SV2B: variants seen among roughly 807,000 people sequenced by gnomAD.
SV2B encodes the protein synaptic vesicle glycoprotein 2B.
SV2B carries 41 observed loss-of-function variants against 73.9 expected under a neutral mutation model. The ratio of observed to expected loss-of-function variants is 0.56; its 90% confidence interval spans 0.43 to 0.72. The LOEUF (loss-of-function observed/expected upper bound fraction) is 0.72. Ranked by LOEUF, SV2B falls within the 30% of genes least tolerant of loss-of-function variation. The pLI is 0.00. For synonymous variants in SV2B, 314 were observed against 314.2 expected, an observed-to-expected ratio of 1.00 and a Z score of 0.01; for missense variants, 764 against 857.8, an observed-to-expected ratio of 0.89 and a Z score of 1.37.
rs1051463359 is a variant in SV2B at position 91,300,081 on chromosome 15, T to G, written c.*7529T>G. On this transcript the variant is annotated 3_prime_UTR_variant, in exon 13 of 13. Transcript: ENST00000394232. ...AATATACTTGCTGTGCACTAGTCAG[T>G]TTTGATTCAGGTTACATAAGGGATA... 1 of 152,218 alleles carries G rather than the reference T, an allele frequency of 6.6e-6. No homozygotes were observed. The highest frequency in any genetic ancestry group is 2.4e-5 in the African/African-American group (1 of 41,454). 9.4% of individuals were successfully genotyped at this position (152,218 alleles called of 1,614,324 possible).
chr15:91,186,715 TG>T (rs1020462033), intron 1 of SV2B, among the ~76,000 whole-genome samples: 3 of 152,056 alleles, frequency 2.0e-5, no homozygotes, highest in Admixed American at 6.6e-5. Flanking sequence ...CAGAAGGCTG[TG>T]GGGGGTGAGG....
At position 91,110,760 on chromosome 15, in the gene SV2B, C is replaced by T. The variant is rs1354773999; in HGVS notation, c.-392+10397C>T. 6.6e-6 allele frequency among the ~76,000 whole-genome samples: 1 copy of T among 152,184 alleles called. No individual in the cohort carries two copies. The highest frequency in any genetic ancestry group is 1.5e-5 in the Non-Finnish European group (1 of 68,026). Reference sequence around the variant, plus strand: ...CTGGAGGGCTCAAGGAATTTAGTTCCACCCCTAGCACTATGACAAGTGACG... The same window carrying T: ...CTGGAGGGCTCAAGGAATTTAGTTCTACCCCTAGCACTATGACAAGTGACG... On this transcript the variant is annotated intron_variant, in intron 1 of 12. Coordinates refer to ENST00000394232, the MANE Select transcript of SV2B (RefSeq NM_001323032.3). The surrounding 1 kb of genome is among the most constrained non-coding windows in gnomAD (Gnocchi z 5.4).
chr15:91,207,968 A>C (rs1289123011), intron 1 of SV2B, among the ~76,000 whole-genome samples: 1 of 152,210 alleles, frequency 6.6e-6, no homozygotes, highest in Non-Finnish European at 1.5e-5. Context: ...TATCGCCTGC[A>C]TCAGGGAAGA....
Position 91,136,552 on chromosome 15 carries a change from A to C in SV2B, c.-392+36189A>C, listed in dbSNP as rs2042832335. On this transcript the variant is annotated intron_variant, in intron 1 of 12. Transcript: ENST00000394232. The surrounding 1 kb of genome is among the most constrained non-coding windows in gnomAD (Gnocchi z 5.6). ...TGACTCAGCTGTCTGCAAGCCCTTT[A>C]CATCTTCATTTCATTACTGGCCTAA... Among the ~76,000 whole-genome samples the C allele has an allele frequency of 6.6e-6, 1 of 152,188 alleles. No individual in the cohort carries two copies. The highest frequency in any genetic ancestry group is 2.1e-4 in the South Asian group (1 of 4,832).
At chr15:91,175,422 T>C (rs2044268416) in intron 1 of SV2B, among the ~76,000 whole-genome samples, 1 of 151,938 alleles carries the variant, frequency 6.6e-6, no homozygotes, top group Admixed American at 6.6e-5. Flanking sequence ...GCCCAGATAA[T>C]TTTTTGTATT....
rs1233350407 is a variant in SV2B at position 91,297,286 on chromosome 15, G to A, written c.*4734G>A. The A allele has an allele frequency of 6.6e-6, 1 of 152,286 alleles. No homozygotes were observed. The highest frequency in any genetic ancestry group is 1.5e-5 in the Non-Finnish European group (1 of 68,080). 9.4% of individuals were successfully genotyped at this position (152,286 alleles called of 1,614,324 possible). A position where few individuals can be genotyped will look rare whatever the true frequency, so the allele number is the denominator to read the frequency against. On this transcript the variant is annotated 3_prime_UTR_variant, in exon 13 of 13. Coordinates refer to ENST00000394232, the MANE Select transcript of SV2B (RefSeq NM_001323032.3). The surrounding 1 kb of genome is among the most constrained non-coding windows in gnomAD (Gnocchi z 5.1). ...GAAGGGCAATGGGCAAAGGGGCTGTGCCTTGCAGCCGATCCAGCCTCCCTT... is the reference window on the plus strand; with the variant it reads ...GAAGGGCAATGGGCAAAGGGGCTGTACCTTGCAGCCGATCCAGCCTCCCTT...
chr15:91,126,523 A>T (rs1320701531), intron 1 of SV2B, among the ~76,000 whole-genome samples: 1 of 152,202 alleles, frequency 6.6e-6, no homozygotes, highest in Non-Finnish European at 1.5e-5. Context: ...CTGGACTGGG[A>T]TATTATATTT....
chr15:91,242,409 C>T lies in SV2B; in HGVS notation c.452-9410C>T, dbSNP rs1171752412. On this transcript the variant is annotated intron_variant, in intron 2 of 12. Coordinates refer to ENST00000394232, the MANE Select transcript of SV2B (RefSeq NM_001323032.3). The surrounding 1 kb of genome is among the most constrained non-coding windows in gnomAD (Gnocchi z 4.9). ...CTTCTTACCACTTTCCTCTACCTAC[C>T]AACCTGGCCCAAGTCATCAGCGTCA... is the stretch of plus-strand genomic sequence containing the variant. Among the ~76,000 whole-genome samples the T allele has an allele frequency of 6.6e-6, 1 of 152,162 alleles. No individual in the cohort carries two copies. The highest frequency in any genetic ancestry group is 2.4e-5 in the African/African-American group (1 of 41,428).
intron 1 of SV2B, among the ~76,000 whole-genome samples, chr15:91,188,550 C>T (rs563201963): frequency 2.2e-4 from 33 of 152,126 alleles, no homozygotes; most frequent in Admixed American, 1.2e-3. Context: ...CTTCTGACCT[C>T]GTGATCCACC....
At chr15:91,135,703 T>C (rs1417776104) in intron 1 of SV2B, among the ~76,000 whole-genome samples, 1 of 152,228 alleles carries the variant, frequency 6.6e-6, no homozygotes, top group African/African-American at 2.4e-5. Flanking sequence ...TACTGAGCCG[T>C]TACTGTGTTT....
rs188602993 is a variant in SV2B at position 91,286,601 on chromosome 15, A to T, written c.1708+2380A>T. Among the ~76,000 whole-genome samples, 32 of 152,314 alleles carry T rather than the reference A, an allele frequency of 2.1e-4. No homozygotes were observed. In the East Asian group the frequency reaches 5.4e-3, roughly 26 times the overall value. On this transcript the variant is annotated intron_variant, in intron 11 of 12. Coordinates refer to ENST00000394232, the MANE Select transcript of SV2B (RefSeq NM_001323032.3). ...AAATTTCATTTACCTAAACACTATGACATGCTTATTGTTATTGAATATTAT... is the reference window on the plus strand; with the variant it reads ...AAATTTCATTTACCTAAACACTATGTCATGCTTATTGTTATTGAATATTAT...
chr15:91,276,669 T>C (rs779496353), intron 9 of SV2B, among the ~76,000 whole-genome samples: 3 of 152,036 alleles, frequency 2.0e-5, no homozygotes, highest in East Asian at 1.9e-4. Flanking sequence ...CTGAATCTTA[T>C]AGCTTGCATC....
intron 1 of SV2B, among the ~76,000 whole-genome samples, chr15:91,169,399 A>T (rs2044037360): frequency 6.7e-6 from 1 of 149,360 alleles, no homozygotes; most frequent in Non-Finnish European, 1.5e-5. Context: ...TGTCCAGTGA[A>T]CGAATGAATG....
chr15:91,152,000 T>TATGTCTGTTATCCCAGCCTG (rs2043327357), intron 1 of SV2B, among the ~76,000 whole-genome samples: 1 of 152,192 alleles, frequency 6.6e-6, no homozygotes, highest in South Asian at 2.1e-4. Context: ...TAGCTTTATC[T>TATGTCTGTTATCCCAGCCTG]ATGTCTGTTA....
rs2049173535 is a variant in SV2B, at chr15:91,295,039, G to A, written c.*2487G>A. On this transcript the variant is annotated 3_prime_UTR_variant, in exon 13 of 13. Coordinates refer to ENST00000394232, the MANE Select transcript of SV2B (RefSeq NM_001323032.3). ...CTGTGGCAGGTCACTGGGGGACAAT[G>A]TACAGCATTCTGGCCATCCACTTCT... The A allele has an allele frequency of 6.5e-6, 1 of 152,676 alleles. No homozygotes were observed. Among genetic ancestry groups the A allele is most frequent in the Non-Finnish European group, 1.5e-5 (1 of 68,078 alleles). 9.5% of individuals were successfully genotyped at this position (152,676 alleles called of 1,614,324 possible).
Position 91,226,170 on chromosome 15 carries a change from C to T in SV2B, c.-94C>T, listed in dbSNP as rs1385210448. 8.2e-7 allele frequency: 1 copy of T among 1,217,188 alleles called. No individual in the cohort carries two copies. The highest frequency in any genetic ancestry group is 2.5e-5 in the East Asian group (1 of 40,566). 75.4% of individuals were successfully genotyped at this position (1,217,188 alleles called of 1,614,324 possible). ...ATGAACATATTTCACATTTGAACTACATAATGAATGATGGTTATTGAAATA... is the reference window on the plus strand; with the variant it reads ...ATGAACATATTTCACATTTGAACTATATAATGAATGATGGTTATTGAAATA... On this transcript the variant is annotated 5_prime_UTR_variant, in exon 2 of 13. Coordinates refer to ENST00000394232, the MANE Select transcript of SV2B (RefSeq NM_001323032.3).
At chr15:91,155,623 G>A (rs369111322) in intron 1 of SV2B, among the ~76,000 whole-genome samples, 21 of 152,190 alleles carry the variant, frequency 1.4e-4, no homozygotes, top group African/African-American at 4.6e-4. Context: ...CCAGAGATCC[G>A]AGGGTCAGGG....
At chr15:91,163,151 T>C (rs1014442372) in intron 1 of SV2B, among the ~76,000 whole-genome samples, 2 of 152,212 alleles carry the variant, frequency 1.3e-5, no homozygotes, top group African/African-American at 4.8e-5. Context: ...ATTTTCTTAA[T>C]CCATTCTATC....
chr15:91,266,205 T>C (rs750766296), intron 6 of SV2B, among the ~76,000 whole-genome samples: 16 of 152,072 alleles, frequency 1.1e-4, no homozygotes, highest in Non-Finnish European at 1.8e-4. Flanking sequence ...GTTTTTAGGG[T>C]TTAAAAAACA....
Sources: allele counts gnomAD v4.1 joint callset (sites outside exome capture counted in the v4.1 genomes callset), GRCh38; gene constraint gnomAD v4.1.1; non-coding constraint Gnocchi (gnomAD v3.1); transcripts MANE v1.5; gene names NCBI Gene and HGNC (gene_info 2026-07-23, HGNC 2026-07-21).